Variants in SORT1 observed in about 807,000 individuals in gnomAD.
SORT1 encodes sortilin.
Under a neutral mutation model 101.7 loss-of-function variants are expected in SORT1, and 39 were observed. The observed-to-expected ratio is 0.38, with a 90% CI of 0.30 to 0.50. The LOEUF is 0.50. Ranked by LOEUF, SORT1 falls within the 20% of genes least tolerant of loss-of-function variation. The pLI, the probability that SORT1 is intolerant of heterozygous loss-of-function variation, is 0.90. For missense variants in SORT1, 878 were observed against 1,040.4 expected (o/e 0.84, Z 2.15); for synonymous variants, 396 against 393.7 (o/e 1.01, Z -0.07).
In SORT1 at chr1:109,351,002, T is replaced by C; in HGVS notation, c.709A>G (p.Asn237Asp). ...AAATTCTTGGACACCCACAGGCCAT[T>C]CTGAAAGATTATAAATGACTTATCA... is the stretch of plus-strand genomic sequence containing the variant. ...SDYLLALSTE[N>D]GLWVSKNFGG... Residue 237 changes from asparagine to aspartate, a missense_variant and splice_region_variant, in exon 6 of 20, where the codon AAT (asparagine) becomes GAT (aspartate). By Grantham distance (23) the Asn-to-Asp change is conservative. Coordinates refer to ENST00000256637, the MANE Select transcript of SORT1 (RefSeq NM_002959.7). 1 of 1,598,020 alleles carries C rather than the reference T, an allele frequency of 6.3e-7. No individual in the cohort carries two copies. Among genetic ancestry groups the C allele is most frequent in the Non-Finnish European group, 8.6e-7 (1 of 1,165,120 alleles).
chr1:109,395,208 CTTTTTTTTTTTTTTT>C (rs71069681), intron 1 of SORT1, among the ~76,000 whole-genome samples: 7 of 42,608 alleles, frequency 1.6e-4, no homozygotes, highest in African/African-American at 5.5e-4. Flanking sequence ...AACGCAAAAA[CTTTTTTTTTTTTTTT>C]TTTTTTTTTT....
intron 3 of SORT1, among the ~76,000 whole-genome samples, chr1:109,366,232 A>G (rs948226212): frequency 3.9e-5 from 6 of 152,226 alleles, no homozygotes; most frequent in African/African-American, 7.2e-5. Flanking sequence ...GTCACAGTAT[A>G]GGTTGTGGTT....
chr1:109,371,018 C>T (rs796728059), intron 1 of SORT1, among the ~76,000 whole-genome samples: 1 of 152,318 alleles, frequency 6.6e-6, no homozygotes, highest in African/African-American at 2.4e-5. Flanking sequence ...AATGGGCTTC[C>T]GAATTCACGT....
At chr1:109,375,992 T>TATA (rs1486065233) in intron 1 of SORT1, among the ~76,000 whole-genome samples, 4 of 152,152 alleles carry the variant, frequency 2.6e-5, no homozygotes, top group Non-Finnish European at 5.9e-5. Flanking sequence ...AGGGAGTGTT[T>TATA]ATACACTGTT....
intron 6 of SORT1, among the ~76,000 whole-genome samples, chr1:109,350,689 T>C (rs1387774977): frequency 6.6e-6 from 1 of 152,212 alleles, no homozygotes; most frequent in East Asian, 1.9e-4. Context: ...AGCAACTCAG[T>C]CACCTGCCTT....
At chr1:109,318,817 T>C (rs1412354093) in intron 15 of SORT1, among the ~76,000 whole-genome samples, 1 of 152,202 alleles carries the variant, frequency 6.6e-6, no homozygotes, top group Non-Finnish European at 1.5e-5. Flanking sequence ...CATGCTCGTC[T>C]AATTCTTTGT....
chr1:109,342,043 A>G lies in SORT1; in HGVS notation c.1079T>C (p.Met360Thr). Residue 360 changes from methionine (M) to threonine (T), a missense_variant, in exon 9 of 20, where the codon ATG becomes ACG. Around this residue, in one of 2 missense-constraint regions of SORT1, gnomAD observed 684 missense variants for 894.5 expected, o/e 0.76. Coordinates refer to ENST00000256637, the MANE Select transcript of SORT1 (RefSeq NM_002959.7). ...FYSILAANDD[M>T]VFMHVDEPGD... ...AGGTTCATCTACATGCATGAATACC[A>G]TGTCATCATTTGCTGCCAGAATAGA... 2 of 1,613,840 alleles carry G rather than the reference A, an allele frequency of 1.2e-6. No homozygotes were observed. Among genetic ancestry groups the G allele is most frequent in the South Asian group, 2.2e-5 (2 of 91,066 alleles).
At chr1:109,336,378 T>A in intron 10 of SORT1, 32 bp from the exon 11 acceptor site, 1 of 1,349,010 alleles carries the variant, frequency 7.4e-7, no homozygotes. Context: ...TTAAGTCTGA[T>A]ACACTGGAAG....
rs572266365 is a variant in SORT1, at chr1:109,347,530, C to T, written c.785G>A (p.Gly262Glu). The T allele has an allele frequency of 7.5e-6, 12 of 1,609,158 alleles. No individual in the cohort carries two copies. Among genetic ancestry groups the T allele is most frequent in the South Asian group, 4.4e-5 (4 of 90,942 alleles). ...TGTAAAGAAGATGGTGTTGTCTGAT[C>T]CCCTACAATGAGGCAAAAACAGGGA... ...IHKAVCLAKW[G>E]SDNTIFFTTY... Residue 262 changes from glycine to glutamate, a missense_variant and splice_region_variant, in exon 7 of 20, where the codon GGA becomes GAA. Gly to Glu is a moderately conservative substitution (Grantham distance 98, BLOSUM62 -2). Transcript: ENST00000256637.
At chr1:109,395,103 G>A (rs1362388535) in intron 1 of SORT1, among the ~76,000 whole-genome samples, 2 of 144,534 alleles carry the variant, frequency 1.4e-5, no homozygotes, top group Non-Finnish European at 3.0e-5. Flanking sequence ...CCATTTTTAA[G>A]GTAAATGATA....
rs1025600355 is a variant in SORT1, at chr1:109,374,150, A to G, written c.307-4561T>C. ...GAAGAAATCAGGACCCATAATGAAG[A>G]GAAAAATCAAACTAACTCAGAAATA... On this transcript the variant is annotated intron_variant, in intron 1 of 19. Transcript: ENST00000256637. 1.4e-4 allele frequency among the ~76,000 whole-genome samples: 22 copies of G among 152,226 alleles called. 1 individual carries two copies.
At chr1:109,314,197 A>G in intron 19 of SORT1, 64 bp downstream of exon 19, 1 of 1,360,888 alleles carries the variant, frequency 7.3e-7, no homozygotes, top group African/African-American at 1.5e-5. Flanking sequence ...AATAGAAGAC[A>G]GACTTTATTT....
At chr1:109,330,807 A>C (rs1176750963) in intron 11 of SORT1, among the ~76,000 whole-genome samples, 1 of 152,138 alleles carries the variant, frequency 6.6e-6, no homozygotes, top group Non-Finnish European at 1.5e-5. Context: ...CAGAAAAAAC[A>C]AAGGATCCTA....
intron 9 of SORT1, 107 bp downstream of exon 9, chr1:109,341,907 A>G: frequency 9.7e-7 from 1 of 1,027,796 alleles, no homozygotes; most frequent in Non-Finnish European, 1.5e-6. Context: ...TCAGTAGGGC[A>G]CTAATAAATT....
At chr1:109,385,101 G>C (rs1406742596) in intron 1 of SORT1, among the ~76,000 whole-genome samples, 2 of 151,966 alleles carry the variant, frequency 1.3e-5, no homozygotes, top group Admixed American at 6.6e-5. Flanking sequence ...ACAACAAAAA[G>C]AAAAGAAATA....
intron 10 of SORT1, among the ~76,000 whole-genome samples, chr1:109,337,356 C>A (rs1438242902): frequency 1.0e-4 from 15 of 146,658 alleles, no homozygotes; most frequent in African/African-American, 3.9e-4. Flanking sequence ...AAGCAATTCT[C>A]CTGCCTCAAC....
chr1:109,348,358 C>T (rs1442415029), intron 6 of SORT1, among the ~76,000 whole-genome samples: 1 of 148,288 alleles, frequency 6.7e-6, no homozygotes, highest in Non-Finnish European at 1.5e-5. Flanking sequence ...GGTGAGTAAA[C>T]AGCAGCATCC....
chr1:109,314,159 G>A (rs533587597), intron 19 of SORT1, 102 bp from the exon 20 acceptor site: 13 of 1,564,648 alleles, frequency 8.3e-6, no homozygotes, highest in South Asian at 5.6e-5. Flanking sequence ...TCATTAAGTC[G>A]CCTTGGCCCT....
At chr1:109,355,677 T>TG (rs1650273890) in intron 3 of SORT1, among the ~76,000 whole-genome samples, 1 of 100,712 alleles carries the variant, frequency 9.9e-6, no homozygotes, top group Non-Finnish European at 1.9e-5. Context: ...TCACCAGTGA[T>TG]GGGGGTTCAG....
Sources: gnomAD v4.1 joint callset for allele counts (sites outside exome capture counted in the v4.1 genomes callset) on GRCh38, gnomAD v4.1.1 for gene constraint, gnomAD v4.1.1 regional missense constraint, MANE v1.5 for transcripts, NCBI Gene and HGNC (gene_info 2026-07-23, HGNC 2026-07-21) for gene names.